The following CDH18 variants were observed in gnomAD, a reference collection of about 807,000 sequenced individuals.
The protein encoded by CDH18 is cadherin-18.
CDH18 carries 31 observed loss-of-function variants against 67.9 expected under a neutral mutation model. The observed-to-expected ratio is 0.46, with a 90% CI of 0.34 to 0.62. CDH18 has a LOEUF of 0.62. CDH18 is among the 20% of genes least tolerant of loss of function. The probability of loss-of-function intolerance (pLI) is 0.01; values close to 1 mark genes in which losing one functional copy is unlikely to be tolerated. For missense variants in CDH18, 890 were observed against 975.5 expected (o/e 0.91, Z 1.17); for synonymous variants, 362 against 347.2 (o/e 1.04, Z -0.48).
intron 2 of CDH18, among the ~76,000 whole-genome samples, chr5:20,172,613 G>A (rs1237348610): frequency 1.3e-5 from 2 of 151,820 alleles, no homozygotes; most frequent in African/African-American, 4.8e-5. Context: ...AAAATATTGA[G>A]GGAACAAGGG....
chr5:20,398,834 CGT>C (rs1745509704), intron 1 of CDH18, among the ~76,000 whole-genome samples: 1 of 148,272 alleles, frequency 6.7e-6, no homozygotes, highest in African/African-American at 2.5e-5. Context: ...CCACGGCACA[CGT>C]ATACCTACGT....
chr5:20,054,848 T>C (rs1290689926), intron 2 of CDH18, among the ~76,000 whole-genome samples: 2 of 152,208 alleles, frequency 1.3e-5, no homozygotes, highest in Non-Finnish European at 2.9e-5. Context: ...AGTCAGGTAT[T>C]TAGCTCAATC....
chr5:19,887,801 G>T (rs1788379049), intron 2 of CDH18, among the ~76,000 whole-genome samples: 1 of 151,516 alleles, frequency 6.6e-6, no homozygotes, highest in Non-Finnish European at 1.5e-5. Flanking sequence ...TGAACTCCTG[G>T]ACTCAAGCAA....
intron 5 of CDH18, among the ~76,000 whole-genome samples, chr5:19,653,709 G>T (rs1432077971): frequency 6.6e-6 from 1 of 152,174 alleles, no homozygotes; most frequent in Admixed American, 6.6e-5. Flanking sequence ...CTTGTTGCAA[G>T]TCAAGCCTGG....
intron 1 of CDH18, among the ~76,000 whole-genome samples, chr5:20,496,104 AATAG>A (rs1225007027): frequency 2.6e-5 from 4 of 152,164 alleles, no homozygotes; most frequent in East Asian, 3.8e-4. Flanking sequence ...ACTGTGATGA[AATAG>A]ATAGGCATCT....
rs564261454 is a variant in CDH18 at position 20,064,651 on chromosome 5, T to C, written c.-517-72637A>G. ...GCTTAGCTGAAGGCCTTGCTTCTTT[T>C]GCTTCACAGAAGGTTTATAGATATG... On this transcript the variant is annotated intron_variant, in intron 2 of 14. Transcript: ENST00000507958. 2.0e-5 allele frequency among the ~76,000 whole-genome samples: 3 copies of C among 152,232 alleles called. No individual in the cohort carries two copies. The South Asian group carries it at 6.2e-4, about 32-fold the overall frequency.
At chr5:20,192,115 T>C (rs1387181825) in intron 2 of CDH18, among the ~76,000 whole-genome samples, 2 of 152,068 alleles carry the variant, frequency 1.3e-5, no homozygotes, top group Non-Finnish European at 1.5e-5. Context: ...ATCAGTGATA[T>C]TGAGCTTTTT....
At chr5:20,282,979 C>G (rs931980213) in intron 1 of CDH18, among the ~76,000 whole-genome samples, 16 of 152,020 alleles carry the variant, frequency 1.1e-4, no homozygotes, top group African/African-American at 3.9e-4. Context: ...CTACAGTGAA[C>G]TTATTTTCAA....
chr5:19,629,861 C>A (rs954766864), intron 5 of CDH18, among the ~76,000 whole-genome samples: 1 of 151,928 alleles, frequency 6.6e-6, no homozygotes, highest in Non-Finnish European at 1.5e-5. Flanking sequence ...GACAACATAT[C>A]ACAAAAGTGA....
intron 1 of CDH18, among the ~76,000 whole-genome samples, chr5:20,343,827 G>A (rs747169400): frequency 1.5e-4 from 23 of 152,044 alleles, no homozygotes; most frequent in Non-Finnish European, 2.6e-4. Context: ...ATACCATCAG[G>A]AAATTGACAA....
rs545373822 is a variant in CDH18 at position 19,882,906 on chromosome 5, C to T, written c.-256-43664G>A. 3.1e-3 allele frequency among the ~76,000 whole-genome samples: 473 copies of T among 152,176 alleles called. 2 individuals carry two copies. The highest frequency in any genetic ancestry group is 9.2e-3 in the African/African-American group (382 of 41,534). Reference sequence around the variant, plus strand: ...TCAGGTATCAAGATATCTTTGGATGCATTTTTGTTATCTTTATAAAATTAC... The same window carrying T: ...TCAGGTATCAAGATATCTTTGGATGTATTTTTGTTATCTTTATAAAATTAC... On this transcript the variant is annotated intron_variant, in intron 2 of 12. Coordinates refer to ENST00000382275, the MANE Select transcript of CDH18 (RefSeq NM_004934.5).
At chr5:20,469,725 C>G (rs896314782) in intron 1 of CDH18, among the ~76,000 whole-genome samples, 4 of 152,168 alleles carry the variant, frequency 2.6e-5, no homozygotes, top group Admixed American at 6.5e-5. Flanking sequence ...CTATTCTCCA[C>G]TCAGTACAGA....
upstream of CDH18, among the ~76,000 whole-genome samples, chr5:19,989,188 TAGG>T (rs752611215): frequency 5.9e-5 from 9 of 152,206 alleles, no homozygotes; most frequent in Admixed American, 3.9e-4. Context: ...TAAACAAGTG[TAGG>T]AGTTTATCTA....
intron 3 of CDH18, among the ~76,000 whole-genome samples, chr5:19,834,414 CT>C (rs2150006435): frequency 6.6e-6 from 1 of 151,576 alleles, no homozygotes; most frequent in East Asian, 1.9e-4. Flanking sequence ...ATTCTTCTCT[CT>C]CTTCTTTATT....
intron 1 of CDH18, among the ~76,000 whole-genome samples, chr5:20,392,777 T>C (rs1744975838): frequency 2.6e-5 from 4 of 151,954 alleles, no homozygotes; most frequent in Admixed American, 2.6e-4. Context: ...CATATTTACT[T>C]ATATGAATTA....
intron 2 of CDH18, among the ~76,000 whole-genome samples, chr5:19,926,742 T>C (rs964052876): frequency 1.3e-5 from 2 of 152,132 alleles, no homozygotes; most frequent in African/African-American, 2.4e-5. Flanking sequence ...GCTACCCAAA[T>C]ACAAATCAGT....
rs200794506 is a variant in CDH18 at position 19,831,432 on chromosome 5, A to AT, written c.228+7326dup. Among the ~76,000 whole-genome samples the AT allele has an allele frequency of 1.1e-4, 17 of 152,172 alleles. No individual in the cohort carries two copies. The East Asian group carries it at 2.3e-3, about 21-fold the overall frequency. ...AAGAGAAAAAGCAAAAAACAACCCT[A>AT]TTAAAAATGGGACATAAACAGACAC... On this transcript the variant is annotated intron_variant, in intron 3 of 12. Coordinates refer to ENST00000382275, the MANE Select transcript of CDH18 (RefSeq NM_004934.5).
At chr5:19,716,159 C>T (rs1003902399) in intron 5 of CDH18, among the ~76,000 whole-genome samples, 1 of 151,970 alleles carries the variant, frequency 6.6e-6, no homozygotes, top group South Asian at 2.1e-4. Flanking sequence ...AACTTGAGTC[C>T]TATATTTTTC....
At chr5:20,036,954 T>C (rs1480651550) in intron 2 of CDH18, among the ~76,000 whole-genome samples, 1 of 152,086 alleles carries the variant, frequency 6.6e-6, no homozygotes, top group Non-Finnish European at 1.5e-5. Flanking sequence ...TTTTTTTGCT[T>C]TCCATTTGCT....
Sources: gnomAD v4.1 joint callset for allele counts (sites outside exome capture counted in the v4.1 genomes callset) on GRCh38, gnomAD v4.1.1 for gene constraint, MANE v1.5 for transcripts, NCBI Gene and HGNC (gene_info 2026-07-23, HGNC 2026-07-21) for gene names.